The following HOXB6 variants were observed in gnomAD, a reference collection of about 807,000 sequenced individuals.
The protein encoded by HOXB6 is homeobox B6, also known as homeobox protein Hox-B6.
A neutral mutation model predicts 24.2 loss-of-function variants in HOXB6; 18 were observed. The ratio of observed to expected loss-of-function variants is 0.74; its 90% CI spans 0.51 to 1.10. The LOEUF (loss-of-function observed/expected upper bound fraction) is 1.10. Among genes scored for constraint, HOXB6 ranks in the 50% least tolerant of loss-of-function variants. HOXB6 has a pLI of 0.00. For missense variants in HOXB6, 332 were observed against 308.3 expected (o/e 1.08, Z -0.58); for synonymous variants, 159 against 139.1 (o/e 1.14, Z -1.01).
chr17:48,602,082 T>A (rs1341558796), intron 2 of HOXB6: 1 of 455,890 alleles, frequency 2.2e-6, no homozygotes, highest in Non-Finnish European at 4.4e-6. Context: ...TAGGTAGACT[T>A]CGCTTGAAAA....
At position 48,595,784 on chromosome 17, in the gene HOXB6, G is replaced by GTTGTTA. The variant is rs1260329055; in HGVS notation, c.*623_*628dup. 2 of 183,074 alleles carry GTTGTTA rather than the reference G, an allele frequency of 1.1e-5. No homozygotes were observed. The highest frequency in any genetic ancestry group is 6.0e-5 in the Admixed American group (1 of 16,610). 11.3% of individuals were successfully genotyped at this position (183,074 alleles called of 1,614,324 possible). ...TCACATCTTTATTATTGTTGTTGTT[G>GTTGTTA]TTGTTATTATTATTATTATTATCAT... On this transcript the variant is annotated 3_prime_UTR_variant, in exon 4 of 4. Transcript: ENST00000225648.
chr17:48,598,196 G>T lies in HOXB6; in HGVS notation c.-46C>A. 1 of 1,515,636 alleles carries T rather than the reference G, an allele frequency of 6.6e-7. No individual in the cohort carries two copies. Among genetic ancestry groups the T allele is most frequent in the Non-Finnish European group, 8.9e-7 (1 of 1,128,830 alleles). The allele number at this position is 1,515,636 out of a possible 1,614,324, so 93.9% of individuals were successfully genotyped here. A position where few individuals can be genotyped will look rare whatever the true frequency, so the allele number is the denominator to read the frequency against. Reference sequence around the variant, plus strand: ...GCCGCTGCTGCTCCGCCGGGTTTATGATTTGTTGTGTTTTATAGTCCGAGC... The same window carrying T: ...GCCGCTGCTGCTCCGCCGGGTTTATTATTTGTTGTGTTTTATAGTCCGAGC... On this transcript the variant is annotated 5_prime_UTR_variant, in exon 3 of 4. Transcript: ENST00000225648.
At chr17:48,600,574 C>T (rs538537932) in intron 2 of HOXB6, 14 of 454,054 alleles carry the variant, frequency 3.1e-5, no homozygotes, top group South Asian at 1.7e-4. Flanking sequence ...TCGTCTGATC[C>T]GTTTGTTTGG....
At chr17:48,602,981 C>T (rs2144982429) in intron 2 of HOXB6, among the ~76,000 whole-genome samples, 1 of 152,328 alleles carries the variant, frequency 6.6e-6, no homozygotes, top group Admixed American at 6.5e-5. Flanking sequence ...AGGGCATCTA[C>T]CTGGGGCCAC....
At position 48,597,924 on chromosome 17, in the gene HOXB6, G is replaced by A. The variant is rs1349228238; in HGVS notation, c.227C>T (p.Pro76Leu). Reference protein sequence around the residue: ...YGRAAPCDYGPAPAFYREKES... With the variant: ...YGRAAPCDYGLAPAFYREKES... ...TTTCTCGCGGTAGAAGGCCGGCGCC[G>A]GCCCGTAGTCGCAGGGCGCCGCTCG... The change falls in exon 3 of 4, where the codon CCG becomes CTG. Residue 76 changes from proline (P) to leucine (L), a missense_variant. Physicochemically the swap from Pro to Leu is moderately conservative, Grantham distance 98. Coordinates refer to ENST00000225648, the MANE Select transcript of HOXB6 (RefSeq NM_018952.5). The A allele has an allele frequency of 6.4e-7, 1 of 1,574,474 alleles. No homozygotes were observed. The highest frequency in any genetic ancestry group is 8.6e-7 in the Non-Finnish European group (1 of 1,160,196).
intron 2 of HOXB6, among the ~76,000 whole-genome samples, chr17:48,599,128 G>T (rs896097618): frequency 3.3e-5 from 5 of 152,214 alleles, no homozygotes; most frequent in Admixed American, 2.6e-4. Flanking sequence ...TGGTGATATG[G>T]AGTGAAGGAG....
In HOXB6 at chr17:48,596,735, T is replaced by G; in HGVS notation, c.416-63A>C. On this transcript the variant is annotated intron_variant, in intron 3 of 3. Transcript: ENST00000225648. The surrounding 1 kb of genome is among the most constrained non-coding windows in gnomAD (Gnocchi z 4.8). ...CCGGGCCCAGGACCCCCTCCCCTAG[T>G]CGACCCTCGAACACAGACTCCAGCC... is the stretch of plus-strand genomic sequence containing the variant. The G allele has an allele frequency of 2.5e-6, 4 of 1,598,592 alleles. No individual in the cohort carries two copies. In the South Asian group the frequency reaches 4.4e-5, roughly 18 times the overall value.
chr17:48,599,013 C>T (rs974646032), intron 2 of HOXB6, among the ~76,000 whole-genome samples: 2 of 152,124 alleles, frequency 1.3e-5, no homozygotes, highest in South Asian at 2.1e-4. Flanking sequence ...TGGAAGGCGG[C>T]GACGAGGGTG....
At chr17:48,604,021 C>G (rs1245464553) in intron 2 of HOXB6, 1 of 152,756 alleles carries the variant, frequency 6.5e-6, no homozygotes, top group African/African-American at 2.4e-5. Flanking sequence ...CCAGTGCTGC[C>G]GGGAACCCAG....
chr17:48,596,263 C>T lies in HOXB6; in HGVS notation c.*150G>A, dbSNP rs1567972065. 2.5e-6 allele frequency: 3 copies of T among 1,219,314 alleles called. No individual in the cohort carries two copies. The highest frequency in any genetic ancestry group is 3.6e-6 in the Non-Finnish European group (3 of 833,840). 75.5% of individuals were successfully genotyped at this position (1,219,314 alleles called of 1,614,324 possible). A position where few individuals can be genotyped will look rare whatever the true frequency, so the allele number is the denominator to read the frequency against. ...CCGCCGGGAGCTGTGCGGGCGGGGG[C>T]GTCCAGGAGAGCGCTGGGCCCCGCC... On this transcript the variant is annotated 3_prime_UTR_variant, in exon 4 of 4. Coordinates refer to ENST00000225648, the MANE Select transcript of HOXB6 (RefSeq NM_018952.5). This position sits in a 1 kb window ranked among gnomAD's most constrained non-coding sequence, Gnocchi z 4.8.
In HOXB6 at chr17:48,595,787, G is replaced by GTTATTATTATTA. The variant is rs375075188; in HGVS notation, c.*614_*625dup. On this transcript the variant is annotated 3_prime_UTR_variant, in exon 4 of 4. Coordinates refer to ENST00000225648, the MANE Select transcript of HOXB6 (RefSeq NM_018952.5). ...CATCTTTATTATTGTTGTTGTTGTT[G>GTTATTATTATTA]TTATTATTATTATTATTATCATCAT... The GTTATTATTATTA allele has an allele frequency of 2.9e-3, 505 of 172,552 alleles. 6 individuals carry two copies. Among genetic ancestry groups the GTTATTATTATTA allele is most frequent in the African/African-American group, 0.011 (419 of 38,862 alleles). 10.7% of individuals were successfully genotyped at this position (172,552 alleles called of 1,614,324 possible).
At chr17:48,603,553 C>G (rs2070517436) in intron 2 of HOXB6, among the ~76,000 whole-genome samples, 1 of 152,156 alleles carries the variant, frequency 6.6e-6, no homozygotes, top group African/African-American at 2.4e-5. Flanking sequence ...CACTTAACAG[C>G]TTCTTCACAA....
At chr17:48,597,210 C>A in intron 3 of HOXB6, 1 of 392,130 alleles carries the variant, frequency 2.6e-6, no homozygotes, top group Non-Finnish European at 3.8e-6. Context: ...TCCCCTTATT[C>A]CTCCTCCCTC....
In HOXB6 at chr17:48,596,441, T is replaced by C. The variant is rs1238816473; in HGVS notation, c.647A>G (p.Glu216Gly). 1 of 1,614,222 alleles carries C rather than the reference T, an allele frequency of 6.2e-7. No individual in the cohort carries two copies. The highest frequency in any genetic ancestry group is 8.5e-7 in the Non-Finnish European group (1 of 1,180,038). The part of the protein sequence containing the change: ...KLLSASQLSA[E>G]EEEEKQAE Reference sequence around the variant, plus strand: ...CTCGGCCTGTTTTTCTTCCTCCTCCTCGGCACTGAGCTGAGACGCGCTGAG... The same window carrying C: ...CTCGGCCTGTTTTTCTTCCTCCTCCCCGGCACTGAGCTGAGACGCGCTGAG... Residue 216 changes from glutamate to glycine, a missense_variant, in exon 4 of 4, where the codon GAG becomes GGG. Physicochemically the swap from Glu to Gly is moderately conservative, Grantham distance 98 (BLOSUM62 -2). Transcript: ENST00000225648. The surrounding 1 kb of genome is among the most constrained non-coding windows in gnomAD (Gnocchi z 4.8).
chr17:48,597,766 G>A lies in HOXB6; in HGVS notation c.385C>T (p.Pro129Ser). 1.2e-6 allele frequency: 2 copies of A among 1,613,048 alleles called. No individual in the cohort carries two copies. The highest frequency in any genetic ancestry group is 1.7e-6 in the Non-Finnish European group (2 of 1,179,574). The stretch of plus-strand genomic sequence containing the variant: ...CACGAATTCATCCGCTGCATCCACG[G>A]GTAGACCGGAGTGGAGCACTTCTGC... ...EEQKCSTPVY[P>S]WMQRMNSCNS... is the part of the protein sequence containing the mutation. Residue 129 changes from proline (P) to serine (S), a missense_variant, in exon 3 of 4, where the codon CCG becomes TCG. By Grantham distance (74) the Pro-to-Ser change is moderately conservative. Coordinates refer to ENST00000225648, the MANE Select transcript of HOXB6 (RefSeq NM_018952.5).
chr17:48,598,861 TG>T (rs2070389355), intron 2 of HOXB6, among the ~76,000 whole-genome samples: 1 of 152,214 alleles, frequency 6.6e-6, no homozygotes, highest in Non-Finnish European at 1.5e-5. Context: ...CTCGGCTTAT[TG>T]TTCCTGCTTC....
At position 48,596,739 on chromosome 17, in the gene HOXB6, C is replaced by G; in HGVS notation, c.416-67G>C. 6.3e-7 allele frequency: 1 copy of G among 1,595,906 alleles called. No homozygotes were observed. The highest frequency in any genetic ancestry group is 8.5e-7 in the Non-Finnish European group (1 of 1,176,606). On this transcript the variant is annotated intron_variant, in intron 3 of 3. Transcript: ENST00000225648. This position sits in a 1 kb window ranked among gnomAD's most constrained non-coding sequence, Gnocchi z 4.8. ...GCCCAGGACCCCCTCCCCTAGTCGA[C>G]CCTCGAACACAGACTCCAGCCAGTA...
intron 2 of HOXB6, among the ~76,000 whole-genome samples, chr17:48,600,109 C>T (rs1307531950): frequency 6.6e-6 from 1 of 151,972 alleles, no homozygotes; most frequent in Non-Finnish European, 1.5e-5. Context: ...AATTTAAACC[C>T]CCTGATAATG....
At chr17:48,602,196 G>A (rs1274355363) in intron 2 of HOXB6, 1 of 456,002 alleles carries the variant, frequency 2.2e-6, no homozygotes. Flanking sequence ...CAAGGAGCTG[G>A]CAAAACCCAC....
Sources: allele counts gnomAD v4.1 joint callset (sites outside exome capture counted in the v4.1 genomes callset), GRCh38; gene constraint gnomAD v4.1.1; non-coding constraint Gnocchi (gnomAD v3.1); transcripts MANE v1.5; gene names NCBI Gene and HGNC (gene_info 2026-07-23, HGNC 2026-07-21).